Variants in RBM47 observed in about 807,000 individuals in gnomAD.
RBM47 encodes RNA-binding protein 47.
RBM47 carries 21 observed loss-of-function variants against 47.1 expected under a neutral mutation model. The ratio of observed to expected loss-of-function variants is 0.45; its 90% CI spans 0.32 to 0.64. The LOEUF is 0.64. RBM47 is among the 30% of genes least tolerant of loss of function. RBM47 has a pLI of 0.05. For missense variants in RBM47, 708 were observed against 870.9 expected (o/e 0.81, Z 2.35); for synonymous variants, 375 against 361.7 (o/e 1.04, Z -0.42).
At chr4:40,614,343 T>C (rs545419894) in intron 1 of RBM47, among the ~76,000 whole-genome samples, 22 of 152,122 alleles carry the variant, frequency 1.4e-4, no homozygotes, top group Admixed American at 1.0e-3. Flanking sequence ...GTGTAAAACA[T>C]AAGTCAAAGC....
Position 40,545,192 on chromosome 4 carries a change from C to A in RBM47, c.-239-686G>T, listed in dbSNP as rs531729812. Among the ~76,000 whole-genome samples the A allele has an allele frequency of 2.7e-3, 407 of 151,324 alleles. 2 individuals are homozygous for A. The highest frequency in any genetic ancestry group is 9.3e-3 in the African/African-American group (386 of 41,372). ...TCAGCCTCCCAAGTAGCTGGGATTA[C>A]AGGCATGCCCCACCATGCCCAGCTA... On this transcript the variant is annotated intron_variant, in intron 1 of 6. Coordinates refer to ENST00000295971, the MANE Select transcript of RBM47 (RefSeq NM_001098634.2).
intron 1 of RBM47, among the ~76,000 whole-genome samples, chr4:40,612,882 CT>C (rs886805505): frequency 6.6e-6 from 1 of 152,114 alleles, no homozygotes; most frequent in African/African-American, 2.4e-5. Flanking sequence ...GTTTCATTTC[CT>C]TTGGTTGTAA....
chr4:40,598,557 T>C (rs1181254759), intron 1 of RBM47, among the ~76,000 whole-genome samples: 4 of 151,840 alleles, frequency 2.6e-5, no homozygotes, highest in South Asian at 2.1e-4. Flanking sequence ...GCCCCAATCA[T>C]AGAACTTTAA....
chr4:40,561,211 A>G (rs1577962021), intron 1 of RBM47, among the ~76,000 whole-genome samples: 2 of 149,660 alleles, frequency 1.3e-5, no homozygotes, highest in Non-Finnish European at 3.0e-5. Context: ...CCTTTCTGGG[A>G]CTATTTTTCC....
At chr4:40,440,171 T>C (rs1713409853) in intron 3 of RBM47, among the ~76,000 whole-genome samples, 1 of 152,230 alleles carries the variant, frequency 6.6e-6, no homozygotes, top group Admixed American at 6.5e-5. Flanking sequence ...TTTTGGACTA[T>C]AAAAGTATTC....
At chr4:40,547,610 C>G (rs1464471057) in intron 1 of RBM47, among the ~76,000 whole-genome samples, 1 of 152,218 alleles carries the variant, frequency 6.6e-6, no homozygotes, top group Non-Finnish European at 1.5e-5. Context: ...CCACATCCCC[C>G]AACCTCATCT....
intron 2 of RBM47, among the ~76,000 whole-genome samples, chr4:40,503,301 T>C (rs925252025): frequency 1.3e-5 from 2 of 152,100 alleles, no homozygotes; most frequent in Non-Finnish European, 2.9e-5. Flanking sequence ...TGGCCATTAG[T>C]AGGTGGTGGG....
At chr4:40,456,890 C>A (rs1045391485) in intron 3 of RBM47, among the ~76,000 whole-genome samples, 1 of 152,012 alleles carries the variant, frequency 6.6e-6, no homozygotes, top group African/African-American at 2.4e-5. Flanking sequence ...TGAGCCAACA[C>A]GCCCGGCCAG....
At chr4:40,564,892 A>T (rs1730954566) in intron 1 of RBM47, among the ~76,000 whole-genome samples, 2 of 152,194 alleles carry the variant, frequency 1.3e-5, no homozygotes, top group African/African-American at 4.8e-5. Context: ...GAGGATCCTC[A>T]GTGGGAGGAA....
At chr4:40,625,722 G>C (rs1255217890) in intron 1 of RBM47, among the ~76,000 whole-genome samples, 1 of 152,168 alleles carries the variant, frequency 6.6e-6, no homozygotes, top group South Asian at 2.1e-4. Flanking sequence ...CCATGTTCAT[G>C]AGAACCACAA....
chr4:40,443,611 G>C (rs547488576), intron 3 of RBM47, among the ~76,000 whole-genome samples: 1 of 149,556 alleles, frequency 6.7e-6, no homozygotes, highest in East Asian at 2.0e-4. Flanking sequence ...CAGCTACTCA[G>C]GATGCTAAGG....
At position 40,425,785 on chromosome 4, in the gene RBM47, C is replaced by G; in HGVS notation, c.*119G>C. ...TATATAAAATAATTCAGAAATAAATCTGCTAACATTCTTCACTTTCAGGTT... is the reference window on the plus strand; with the variant it reads ...TATATAAAATAATTCAGAAATAAATGTGCTAACATTCTTCACTTTCAGGTT... On this transcript the variant is annotated 3_prime_UTR_variant, in exon 7 of 7. Transcript: ENST00000295971. 7.3e-7 allele frequency: 1 copy of G among 1,377,240 alleles called. No homozygotes were observed. The highest frequency in any genetic ancestry group is 9.9e-7 in the Non-Finnish European group (1 of 1,014,560). 85.3% of individuals were successfully genotyped at this position (1,377,240 alleles called of 1,614,324 possible).
intron 3 of RBM47, among the ~76,000 whole-genome samples, chr4:40,452,392 T>C (rs1242096584): frequency 2.0e-5 from 3 of 152,172 alleles, no homozygotes; most frequent in Admixed American, 6.5e-5. Flanking sequence ...GCTTTAGCCA[T>C]GACTAGGAAG....
chr4:40,490,809 G>A (rs933100783), intron 2 of RBM47, among the ~76,000 whole-genome samples: 9 of 151,920 alleles, frequency 5.9e-5, no homozygotes, highest in Non-Finnish European at 1.3e-4. Flanking sequence ...ATGAATAGAA[G>A]ACTGAACGCT....
intron 1 of RBM47, among the ~76,000 whole-genome samples, chr4:40,606,393 T>C (rs1009915954): frequency 6.6e-6 from 1 of 151,918 alleles, no homozygotes. Context: ...GGTGGACTAG[T>C]GGCAGTTTTT....
At chr4:40,477,999 GTGGC>G (rs1255784452) in intron 2 of RBM47, among the ~76,000 whole-genome samples, 1 of 145,472 alleles carries the variant, frequency 6.9e-6, no homozygotes, top group Non-Finnish European at 1.5e-5. Context: ...CATGAGCCAT[GTGGC>G]ATGTTCTTTT....
In RBM47 at chr4:40,432,843, C is replaced by A; in HGVS notation, c.1350G>T (p.Gly450=). 6.2e-7 allele frequency: 1 copy of A among 1,613,104 alleles called. No homozygotes were observed. Reference sequence around the variant, plus strand: ...CTGCTGGAAACATGGAATACTGAGCCCCAATGGCAGGGATGGCTACTGCAA... The same window carrying A: ...CTGCTGGAAACATGGAATACTGAGCACCAATGGCAGGGATGGCTACTGCAA... ...KPGTVAIPAI[G]AQYSMFPAAP... Residue 450 remains glycine, a synonymous_variant, in exon 6 of 7, where the codon GGG becomes GGT. Coordinates refer to ENST00000295971, the MANE Select transcript of RBM47 (RefSeq NM_001098634.2).
At chr4:40,534,916 T>C (rs1318312639) in intron 2 of RBM47, among the ~76,000 whole-genome samples, 30 of 130,920 alleles carry the variant, frequency 2.3e-4, no homozygotes, top group East Asian at 1.7e-3. Context: ...GCCTGGGCGA[T>C]GGAGCAAGAC....
intron 2 of RBM47, among the ~76,000 whole-genome samples, chr4:40,510,685 T>G (rs1724807206): frequency 6.6e-6 from 1 of 152,152 alleles, no homozygotes; most frequent in South Asian, 2.1e-4. Flanking sequence ...CTTGCTTGAA[T>G]GGTCATCAGC....
Sources: allele counts gnomAD v4.1 joint callset (sites outside exome capture counted in the v4.1 genomes callset), GRCh38; gene constraint gnomAD v4.1.1; transcripts MANE v1.5; gene names NCBI Gene and HGNC (gene_info 2026-07-23, HGNC 2026-07-21).